The following PLXDC2 variants were observed in gnomAD, a reference collection of about 807,000 sequenced individuals.
The protein encoded by PLXDC2 is plexin domain-containing protein 2.
Under a neutral mutation model 68.9 loss-of-function variants are expected in PLXDC2, and 40 were observed. The ratio of observed to expected loss-of-function variants is 0.58; its 90% CI spans 0.45 to 0.76. The LOEUF is 0.76. Among genes scored for constraint, PLXDC2 ranks in the 30% least tolerant of loss-of-function variants. The pLI is 0.00. For missense variants in PLXDC2, 644 were observed against 661.9 expected (o/e 0.97, Z 0.30); for synonymous variants, 243 against 234.2 (o/e 1.04, Z -0.34).
intron 4 of PLXDC2, among the ~76,000 whole-genome samples, chr10:20,073,842 G>A (rs1313453876): frequency 2.0e-5 from 3 of 151,944 alleles, no homozygotes; most frequent in African/African-American, 7.2e-5. Flanking sequence ...TAGCCTGCTA[G>A]TGTGATCTTT....
intron 1 of PLXDC2, among the ~76,000 whole-genome samples, chr10:19,911,396 A>G (rs1367316812): frequency 1.3e-5 from 2 of 152,142 alleles, no homozygotes; most frequent in East Asian, 1.9e-4. Context: ...GCTCTAGCAT[A>G]ATTTTAAATA....
At chr10:20,181,852 T>C (rs762014349) in intron 9 of PLXDC2, among the ~76,000 whole-genome samples, 5 of 152,042 alleles carry the variant, frequency 3.3e-5, no homozygotes, top group Non-Finnish European at 7.4e-5. Context: ...TTTTACCATA[T>C]TAAAAAAATG....
At chr10:19,882,104 G>C (rs900717844) in intron 1 of PLXDC2, among the ~76,000 whole-genome samples, 1 of 152,232 alleles carries the variant, frequency 6.6e-6, no homozygotes, top group South Asian at 2.1e-4. Context: ...GTGACTAGTA[G>C]ATGTTTCTCA....
chr10:20,280,466 T>A lies in PLXDC2; in HGVS notation c.*647T>A, dbSNP rs1836067618. The A allele has an allele frequency of 6.6e-6, 1 of 152,238 alleles. No individual in the cohort carries two copies. Among genetic ancestry groups the A allele is most frequent in the South Asian group, 2.1e-4 (1 of 4,836 alleles). The allele number at this position is 152,238 out of a possible 1,614,324, so 9.4% of individuals were successfully genotyped here. A position where few individuals can be genotyped will look rare whatever the true frequency, so the allele number is the denominator to read the frequency against. Reference sequence around the variant, plus strand: ...TTATCCGTACAGGAGGTTCAAACCATGTCTGCCTCTTCCTTTGTAATGAAT... The same window carrying A: ...TTATCCGTACAGGAGGTTCAAACCAAGTCTGCCTCTTCCTTTGTAATGAAT... On this transcript the variant is annotated 3_prime_UTR_variant, in exon 14 of 14. Transcript: ENST00000377252.
At chr10:19,827,678 A>T (rs1352556150) in intron 1 of PLXDC2, among the ~76,000 whole-genome samples, 2 of 151,504 alleles carry the variant, frequency 1.3e-5, no homozygotes, top group African/African-American at 4.9e-5. Flanking sequence ...TTCCTGCCTC[A>T]GTCTCCCAAA....
At chr10:20,160,000 T>C (rs1441675194) in intron 6 of PLXDC2, among the ~76,000 whole-genome samples, 1 of 152,204 alleles carries the variant, frequency 6.6e-6, no homozygotes, top group Non-Finnish European at 1.5e-5. Context: ...ATAGGTTTTA[T>C]GTTCACTTGT....
At chr10:20,202,520 A>G (rs997538900) in intron 9 of PLXDC2, among the ~76,000 whole-genome samples, 11 of 152,170 alleles carry the variant, frequency 7.2e-5, no homozygotes, top group Admixed American at 2.6e-4. Context: ...TGAAGCCACA[A>G]TGCTCTGTAA....
At chr10:20,030,852 A>G (rs562767981) in intron 2 of PLXDC2, among the ~76,000 whole-genome samples, 51 of 152,286 alleles carry the variant, frequency 3.3e-4, no homozygotes, top group Non-Finnish European at 6.3e-4. Context: ...GCTCTATTTT[A>G]GATTTAGGCC....
At chr10:20,110,802 G>A (rs974698420) in intron 4 of PLXDC2, among the ~76,000 whole-genome samples, 2 of 152,144 alleles carry the variant, frequency 1.3e-5, no homozygotes, top group Non-Finnish European at 2.9e-5. Flanking sequence ...ATCTCTGCAT[G>A]TTACAATTAT....
intron 2 of PLXDC2, among the ~76,000 whole-genome samples, chr10:20,014,963 C>T (rs1835185220): frequency 6.6e-6 from 1 of 152,106 alleles, no homozygotes; most frequent in South Asian, 2.1e-4. Context: ...GGCACTGTTC[C>T]TCCTGATTTT....
At chr10:20,257,078 C>T (rs551794471) in intron 13 of PLXDC2, among the ~76,000 whole-genome samples, 61 of 152,118 alleles carry the variant, frequency 4.0e-4, no homozygotes, top group African/African-American at 1.3e-3. Context: ...GAGGAAGGGA[C>T]GCAAGGATCT....
intron 11 of PLXDC2, among the ~76,000 whole-genome samples, chr10:20,218,226 G>A (rs1166385602): frequency 6.6e-6 from 1 of 152,068 alleles, no homozygotes; most frequent in African/African-American, 2.4e-5. Flanking sequence ...AGGAGGGAGA[G>A]GGCAGAAACA....
chr10:20,212,440 G>T (rs868632032), intron 10 of PLXDC2, among the ~76,000 whole-genome samples: 1 of 152,074 alleles, frequency 6.6e-6, no homozygotes. Flanking sequence ...CCGTTTAAAA[G>T]CTTTGCAGTG....
chr10:19,927,713 CAAAAAAAAAAAA>C (rs35250324), intron 1 of PLXDC2, among the ~76,000 whole-genome samples: 1 of 53,142 alleles, frequency 1.9e-5, no homozygotes, highest in Non-Finnish European at 3.1e-5. Context: ...GGAAAAAAAG[CAAAAAAAAAAAA>C]AAAAAAAAAA....
intron 1 of PLXDC2, among the ~76,000 whole-genome samples, chr10:19,869,797 T>A (rs1327494134): frequency 6.6e-6 from 1 of 152,084 alleles, no homozygotes; most frequent in East Asian, 1.9e-4. Context: ...TAATTTTTTT[T>A]AACTCCCCCA....
intron 11 of PLXDC2, among the ~76,000 whole-genome samples, 154 bp downstream of exon 11, chr10:20,217,730 C>A (rs7094469): frequency 0.45 from 66,727 of 148,400 alleles, 16,904 homozygotes; most frequent in Middle Eastern, 0.65. Flanking sequence ...TAAGGGATTT[C>A]CAAAGGGGAA....
At position 19,816,737 on chromosome 10, in the gene PLXDC2, G is replaced by A; in HGVS notation, c.-343G>A. The A allele has an allele frequency of 7.2e-6, 3 of 415,556 alleles. No homozygotes were observed. Among genetic ancestry groups the A allele is most frequent in the South Asian group, 2.8e-5 (1 of 35,126 alleles). The allele number at this position is 415,556 out of a possible 1,614,324, so 25.7% of individuals were successfully genotyped here. A position where few individuals can be genotyped will look rare whatever the true frequency, so the allele number is the denominator to read the frequency against. On this transcript the variant is annotated 5_prime_UTR_variant, in exon 1 of 14. Transcript: ENST00000377252. Reference sequence around the variant, plus strand: ...CGCTGGGGCTCGGAAGTCACCGTCCGCGGGCACCGGGTTGGCGCTGCCCGA... The same window carrying A: ...CGCTGGGGCTCGGAAGTCACCGTCCACGGGCACCGGGTTGGCGCTGCCCGA...
At chr10:19,970,638 T>C (rs936410702) in intron 1 of PLXDC2, among the ~76,000 whole-genome samples, 8 of 152,352 alleles carry the variant, frequency 5.3e-5, no homozygotes, top group Admixed American at 2.0e-4. Flanking sequence ...CATTTTCCTA[T>C]TGATGTCATT....
chr10:20,167,149 G>T (rs1387586458), intron 7 of PLXDC2, among the ~76,000 whole-genome samples: 1 of 152,080 alleles, frequency 6.6e-6, no homozygotes, highest in Non-Finnish European at 1.5e-5. Context: ...TGTTAGATGC[G>T]ACTATATTTA....
Sources: gnomAD v4.1 joint callset for allele counts (sites outside exome capture counted in the v4.1 genomes callset) on GRCh38, gnomAD v4.1.1 for gene constraint, MANE v1.5 for transcripts, NCBI Gene and HGNC (gene_info 2026-07-23, HGNC 2026-07-21) for gene names.